Variants in FRMD4A observed in about 807,000 individuals in gnomAD.
FRMD4A encodes FERM domain-containing protein 4A.
In FRMD4A, 29 loss-of-function variants were observed where a neutral mutation model predicts 129.1. The ratio of observed to expected loss-of-function variants is 0.22; its 90% CI spans 0.17 to 0.31. The LOEUF (loss-of-function observed/expected upper bound fraction) is 0.31, where lower values mean the gene tolerates loss of function less well. Ranked by LOEUF, FRMD4A falls within the 10% of genes least tolerant of loss-of-function variation. FRMD4A has a pLI of 1.00. For synonymous variants in FRMD4A, 634 were observed against 571.6 expected (o/e 1.11, Z -1.56); for missense variants, 1,272 against 1,375.8 (o/e 0.92, Z 1.19).
At chr10:14,269,395 G>A (rs1845084421) in intron 2 of FRMD4A, among the ~76,000 whole-genome samples, 1 of 152,116 alleles carries the variant, frequency 6.6e-6, no homozygotes, top group South Asian at 2.1e-4. Flanking sequence ...GGGTCTCAAG[G>A]GGCTAAAATC....
chr10:14,068,396 T>C (rs191191838), intron 2 of FRMD4A, among the ~76,000 whole-genome samples: 1 of 152,372 alleles, frequency 6.6e-6, no homozygotes, highest in East Asian at 1.9e-4. Context: ...TTCCTGTGAA[T>C]TGCATATTTT....
At chr10:13,740,951 A>G (rs7909293) in intron 9 of FRMD4A, among the ~76,000 whole-genome samples, 95,354 of 151,218 alleles carry the variant, frequency 0.63, 31,150 homozygotes, top group East Asian at 0.95. Flanking sequence ...CTCAGCCTCC[A>G]GAGTAGCTGG....
At chr10:14,143,352 A>G (rs1010529025) in intron 2 of FRMD4A, among the ~76,000 whole-genome samples, 1 of 152,258 alleles carries the variant, frequency 6.6e-6, no homozygotes, top group African/African-American at 2.4e-5. Flanking sequence ...ACTTGGGGAC[A>G]TCATGCTAAG....
chr10:14,080,412 A>G (rs1835861481), intron 2 of FRMD4A, among the ~76,000 whole-genome samples: 1 of 152,062 alleles, frequency 6.6e-6, no homozygotes, highest in African/African-American at 2.4e-5. Context: ...TTAATGTAGG[A>G]AGGGAGCCCC....
chr10:14,238,626 G>A (rs981929060), intron 2 of FRMD4A, among the ~76,000 whole-genome samples: 1 of 152,040 alleles, frequency 6.6e-6, no homozygotes, highest in South Asian at 2.1e-4. Flanking sequence ...TCAACCTGTC[G>A]TCTAGGTTTT....
intron 2 of FRMD4A, among the ~76,000 whole-genome samples, chr10:14,315,332 G>A (rs1276467851): frequency 6.6e-6 from 1 of 152,104 alleles, no homozygotes. Flanking sequence ...TCCTTGAAAT[G>A]AATGTGTCCA....
chr10:14,066,043 T>TGTGTGTGC (rs61170623), intron 2 of FRMD4A, among the ~76,000 whole-genome samples: 3 of 149,448 alleles, frequency 2.0e-5, no homozygotes, highest in Non-Finnish European at 4.5e-5. Flanking sequence ...TGTGTGTGTG[T>TGTGTGTGC]CGGTAGGGGG....
chr10:14,147,163 A>G (rs890142404), intron 2 of FRMD4A, among the ~76,000 whole-genome samples: 8 of 152,186 alleles, frequency 5.3e-5, no homozygotes, highest in Admixed American at 1.3e-4. Context: ...TCCTTTTCTT[A>G]TGCCAACCTG....
intron 2 of FRMD4A, among the ~76,000 whole-genome samples, chr10:13,935,859 G>A (rs894203257): frequency 6.6e-6 from 1 of 152,206 alleles, no homozygotes; most frequent in Admixed American, 6.5e-5. Flanking sequence ...AGTAGAAAAA[G>A]CAAGACTCAA....
intron 2 of FRMD4A, among the ~76,000 whole-genome samples, chr10:14,097,807 AAG>A (rs1372196910): frequency 6.7e-6 from 1 of 150,246 alleles, no homozygotes; most frequent in Non-Finnish European, 1.5e-5. Flanking sequence ...GAAAACTTCC[AAG>A]ATAATTATGA....
At chr10:13,869,658 C>T (rs576274519) in intron 2 of FRMD4A, among the ~76,000 whole-genome samples, 3 of 152,214 alleles carry the variant, frequency 2.0e-5, no homozygotes, top group Non-Finnish European at 4.4e-5. Flanking sequence ...GAACTCCAGG[C>T]TCCTGGGGGG....
At chr10:13,769,694 T>C (rs1021017811) in intron 6 of FRMD4A, among the ~76,000 whole-genome samples, 15 of 152,200 alleles carry the variant, frequency 9.9e-5, no homozygotes, top group African/African-American at 3.6e-4. Context: ...GTGGACTCAA[T>C]AGACCACCCT....
intron 2 of FRMD4A, among the ~76,000 whole-genome samples, chr10:14,179,225 G>A (rs771309886): frequency 1.6e-4 from 24 of 152,066 alleles, no homozygotes; most frequent in Non-Finnish European, 3.1e-4. Context: ...AAACAATTAG[G>A]TTTTATTATC....
chr10:14,226,288 C>A (rs190075990), intron 2 of FRMD4A, among the ~76,000 whole-genome samples: 179 of 152,208 alleles, frequency 1.2e-3, no homozygotes, highest in Non-Finnish European at 2.0e-3. Flanking sequence ...TAACTCCATG[C>A]CCAGCTCTGT....
intron 2 of FRMD4A, among the ~76,000 whole-genome samples, chr10:14,183,375 C>G (rs1291002440): frequency 6.6e-6 from 1 of 152,142 alleles, no homozygotes; most frequent in Non-Finnish European, 1.5e-5. Flanking sequence ...TCTAATTTTA[C>G]AAGTTGGAAT....
At chr10:14,128,033 TTC>T (rs1287144932) in intron 2 of FRMD4A, among the ~76,000 whole-genome samples, 7 of 143,730 alleles carry the variant, frequency 4.9e-5, no homozygotes, top group African/African-American at 1.6e-4. Context: ...CCTTCCTTCC[TTC>T]CTTTCTTTCC....
intron 21 of FRMD4A, among the ~76,000 whole-genome samples, chr10:13,658,797 G>A (rs1487105123): frequency 6.6e-6 from 1 of 150,434 alleles, no homozygotes; most frequent in East Asian, 2.0e-4. Context: ...CAGGAGAATC[G>A]CTTGAACACG....
chr10:14,159,610 T>C (rs1429146381), intron 2 of FRMD4A, among the ~76,000 whole-genome samples: 1 of 152,026 alleles, frequency 6.6e-6, no homozygotes, highest in Non-Finnish European at 1.5e-5. Context: ...TGACATTCTT[T>C]ACAAAAACAG....
chr10:13,970,722 A>G (rs1325812369), intron 2 of FRMD4A, among the ~76,000 whole-genome samples: 1 of 152,010 alleles, frequency 6.6e-6, no homozygotes, highest in Admixed American at 6.6e-5. Context: ...TCCCCACGCA[A>G]TCTGGGTCCT....
Sources: allele counts gnomAD v4.1 joint callset (sites outside exome capture counted in the v4.1 genomes callset), GRCh38; gene constraint gnomAD v4.1.1; transcripts MANE v1.5; gene names NCBI Gene and HGNC (gene_info 2026-07-23, HGNC 2026-07-21).